CFAP58: variants seen among roughly 807,000 people sequenced by gnomAD.
CFAP58 encodes cilia and flagella associated protein 58.
A neutral mutation model predicts 119.5 loss-of-function variants in CFAP58; 88 were observed. The ratio of observed to expected loss-of-function variants is 0.74; its 90% CI spans 0.62 to 0.88. The LOEUF is 0.88. Among genes scored for constraint, CFAP58 ranks in the 40% least tolerant of loss-of-function variants. CFAP58 has a pLI of 0.00. For missense variants in CFAP58, 990 were observed against 1,021.2 expected (o/e 0.97, Z 0.42); for synonymous variants, 365 against 366.3 (o/e 1.00, Z 0.04).
At chr10:104,393,835 C>T (rs1333339330) in intron 11 of CFAP58, among the ~76,000 whole-genome samples, 1 of 152,222 alleles carries the variant, frequency 6.6e-6, no homozygotes, top group Non-Finnish European at 1.5e-5. Context: ...GCATTCACAA[C>T]CAAGTACAAC....
intron 9 of CFAP58, among the ~76,000 whole-genome samples, chr10:104,391,112 G>A (rs1338967466): frequency 6.6e-6 from 1 of 152,108 alleles, no homozygotes; most frequent in African/African-American, 2.4e-5. Context: ...TGGAAAAAAC[G>A]GATTCTTGTA....
chr10:104,444,417 T>A (rs1336266225), intron 15 of CFAP58, among the ~76,000 whole-genome samples: 2 of 152,172 alleles, frequency 1.3e-5, no homozygotes, highest in Non-Finnish European at 2.9e-5. Context: ...AGCTAATGAG[T>A]CTCTGTTGCA....
rs2012218780 is a variant in CFAP58, at chr10:104,399,315, G to A, written c.1675-45G>A. 16 of 1,605,928 alleles carry A rather than the reference G, an allele frequency of 1.0e-5. No individual in the cohort carries two copies. In the East Asian group the frequency reaches 3.4e-4, roughly 34 times the overall value. On this transcript the variant is annotated intron_variant, in intron 11 of 17. Coordinates refer to ENST00000369704, the MANE Select transcript of CFAP58 (RefSeq NM_001008723.2). ...TCCGGGCCCTGTCGTCCTGGTTTGTGCTGTAACGAATTGAAATTTGCCTGT... is the reference window on the plus strand; with the variant it reads ...TCCGGGCCCTGTCGTCCTGGTTTGTACTGTAACGAATTGAAATTTGCCTGT...
intron 9 of CFAP58, among the ~76,000 whole-genome samples, chr10:104,391,426 T>A (rs1442458437): frequency 1.3e-5 from 2 of 152,244 alleles, no homozygotes; most frequent in African/African-American, 4.8e-5. Flanking sequence ...CCTTATGTGC[T>A]CTAGCTGTTA....
chr10:104,406,825 A>G lies in CFAP58; in HGVS notation c.2256+32A>G, dbSNP rs761574552. The stretch of plus-strand genomic sequence containing the variant: ...TTTTTGTTTTCTGTACTCATTGTAC[A>G]AGTCCTTAGCACCACCATCTCCAGG... On this transcript the variant is annotated intron_variant, in intron 15 of 17. Coordinates refer to ENST00000369704, the MANE Select transcript of CFAP58 (RefSeq NM_001008723.2). The G allele has an allele frequency of 3.3e-6, 5 of 1,529,104 alleles. No homozygotes were observed. In the African/African-American group the frequency reaches 6.8e-5, roughly 21 times the overall value. The allele number at this position is 1,529,104 out of a possible 1,614,324, so 94.7% of individuals were successfully genotyped here.
At chr10:104,406,495 T>G (rs1213502646) in intron 14 of CFAP58, among the ~76,000 whole-genome samples, 194 bp from the exon 15 acceptor site, 3 of 152,222 alleles carry the variant, frequency 2.0e-5, no homozygotes, top group African/African-American at 7.2e-5. Context: ...CTAGGAAAAC[T>G]GCAGTCTGCC....
intron 1 of CFAP58, among the ~76,000 whole-genome samples, chr10:104,354,814 G>T (rs1016778067): frequency 3.9e-5 from 6 of 152,162 alleles, no homozygotes; most frequent in African/African-American, 1.4e-4. Flanking sequence ...GCCTTTCTGA[G>T]CAAGGGGCCC....
intron 15 of CFAP58, among the ~76,000 whole-genome samples, chr10:104,441,217 G>A (rs958828725): frequency 6.6e-6 from 1 of 152,114 alleles, no homozygotes; most frequent in Non-Finnish European, 1.5e-5. Context: ...TGGCCAGGCT[G>A]GTCTCAAACT....
At chr10:104,366,319 C>T (rs140247309) in intron 5 of CFAP58, among the ~76,000 whole-genome samples, 3,505 of 152,184 alleles carry the variant, frequency 0.023, 70 homozygotes, top group Middle Eastern at 0.055. Flanking sequence ...CACCACTCAA[C>T]CGCATCTTGG....
At chr10:104,417,929 G>A (rs1019982850) in intron 15 of CFAP58, among the ~76,000 whole-genome samples, 1 of 152,162 alleles carries the variant, frequency 6.6e-6, no homozygotes, top group Non-Finnish European at 1.5e-5. Flanking sequence ...GTAAACTATG[G>A]CCCACAGTGG....
chr10:104,393,558 G>C, intron 11 of CFAP58, 83 bp downstream of exon 11: 1 of 1,396,172 alleles, frequency 7.2e-7, no homozygotes, highest in Admixed American at 2.3e-5. Context: ...AGGCAGCCAG[G>C]GGCAGGGAGA....
intron 6 of CFAP58, 117 bp downstream of exon 6, chr10:104,368,677 A>C: frequency 9.4e-7 from 1 of 1,059,822 alleles, no homozygotes; most frequent in Non-Finnish European, 1.4e-6. Context: ...ACATTGACAC[A>C]TCAGAGGCAG....
chr10:104,437,416 C>T (rs574573808), intron 15 of CFAP58, among the ~76,000 whole-genome samples: 5 of 152,316 alleles, frequency 3.3e-5, no homozygotes, highest in Middle Eastern at 3.4e-3. Context: ...GACATCCCTC[C>T]AGCATCATAT....
intron 15 of CFAP58, among the ~76,000 whole-genome samples, chr10:104,445,762 T>G (rs113292495): frequency 6.6e-6 from 1 of 152,250 alleles, no homozygotes; most frequent in African/African-American, 2.4e-5. Context: ...CATTAATTCC[T>G]GCTGATGCTG....
chr10:104,360,727 T>C (rs567799759), intron 2 of CFAP58, among the ~76,000 whole-genome samples: 126 of 152,284 alleles, frequency 8.3e-4, no homozygotes, highest in African/African-American at 2.8e-3. Flanking sequence ...AGTGAGAACA[T>C]GTGGTATTTG....
the CFAP58 span, among the ~76,000 whole-genome samples, chr10:104,341,862 G>T: frequency 6.6e-6 from 1 of 152,138 alleles, no homozygotes; most frequent in Non-Finnish European, 1.5e-5. Context: ...AAAGGGTAAA[G>T]TTCAGCCCCC....
chr10:104,447,684 C>T lies in CFAP58; in HGVS notation c.2257-14C>T. On this transcript the variant is annotated splice_polypyrimidine_tract_variant and intron_variant, in intron 15 of 17. Coordinates refer to ENST00000369704, the MANE Select transcript of CFAP58 (RefSeq NM_001008723.2). ...GGGCTGTTTATCTCTGCTCCTGGTT[C>T]TGCTCTCCACTAGGAAAAGGAGAAA... 6.2e-7 allele frequency: 1 copy of T among 1,613,240 alleles called. No homozygotes were observed. The highest frequency in any genetic ancestry group is 8.5e-7 in the Non-Finnish European group (1 of 1,179,598).
At chr10:104,341,377 C>T in the CFAP58 span, among the ~76,000 whole-genome samples, 1 of 151,586 alleles carries the variant, frequency 6.6e-6, no homozygotes, top group Non-Finnish European at 1.5e-5. Context: ...AAATTAGCCC[C>T]TTAAGTATCT....
intron 15 of CFAP58, among the ~76,000 whole-genome samples, chr10:104,433,208 C>G (rs1450352073): frequency 6.6e-6 from 1 of 152,222 alleles, no homozygotes; most frequent in African/African-American, 2.4e-5. Context: ...ATCCACCTGC[C>G]TCAGCCTCCT....
Sources: gnomAD v4.1 joint callset for allele counts (sites outside exome capture counted in the v4.1 genomes callset) on GRCh38, gnomAD v4.1.1 for gene constraint, MANE v1.5 for transcripts, NCBI Gene and HGNC (gene_info 2026-07-23, HGNC 2026-07-21) for gene names.